UBE2L3: variants seen among roughly 807,000 people sequenced by gnomAD.
UBE2L3 encodes the protein ubiquitin-conjugating enzyme E2 L3.
UBE2L3 carries 1 observed loss-of-function variant against 17.8 expected under a neutral mutation model. The ratio of observed to expected loss-of-function variants is 0.06; its 90% CI spans 0.02 to 0.27. The LOEUF (loss-of-function observed/expected upper bound fraction) is 0.27, where lower values mean the gene tolerates loss of function less well. Ranked by LOEUF, UBE2L3 falls within the 10% of genes least tolerant of loss-of-function variation. The pLI is 1.00. For synonymous variants in UBE2L3, 44 were observed against 68.5 expected (o/e 0.64, Z 1.76); for missense variants, 40 against 192.6 (o/e 0.21, Z 4.69).
At chr22:21,604,480 G>A (rs1212978236) in intron 2 of UBE2L3, among the ~76,000 whole-genome samples, 2 of 152,164 alleles carry the variant, frequency 1.3e-5, no homozygotes, top group Non-Finnish European at 2.9e-5. Context: ...GCCTGGGCAA[G>A]CGTGAGACTC....
At chr22:21,557,201 T>C (rs995883628) in intron 1 of UBE2L3, among the ~76,000 whole-genome samples, 1 of 152,214 alleles carries the variant, frequency 6.6e-6, no homozygotes, top group African/African-American at 2.4e-5. Context: ...TGCATCTCTA[T>C]AAAAAAATTA....
chr22:21,600,650 C>T (rs546136830), intron 2 of UBE2L3, among the ~76,000 whole-genome samples: 2 of 152,170 alleles, frequency 1.3e-5, no homozygotes, highest in Admixed American at 6.5e-5. Flanking sequence ...GAGCCAAGAT[C>T]GCGCCACTGC....
upstream of UBE2L3, chr22:21,567,598 C>T: frequency 6.7e-7 from 1 of 1,500,436 alleles, no homozygotes; most frequent in Non-Finnish European, 8.9e-7. Flanking sequence ...CACGCGCCCC[C>T]CAGCACAGTG....
intron 1 of UBE2L3, among the ~76,000 whole-genome samples, chr22:21,586,157 G>A (rs972747403): frequency 6.6e-6 from 1 of 152,076 alleles, no homozygotes; most frequent in Non-Finnish European, 1.5e-5. Flanking sequence ...TGCCCAGGCT[G>A]GTCTTGAGTT....
intron 3 of UBE2L3, among the ~76,000 whole-genome samples, chr22:21,620,131 A>C (rs1417024670): frequency 6.6e-6 from 1 of 152,012 alleles, no homozygotes; most frequent in Non-Finnish European, 1.5e-5. Flanking sequence ...CCATCTCTAC[A>C]AAAAACTAGG....
intron 2 of UBE2L3, among the ~76,000 whole-genome samples, chr22:21,608,098 C>T (rs776015135): frequency 5.9e-5 from 9 of 152,088 alleles, no homozygotes; most frequent in South Asian, 2.1e-4. Flanking sequence ...TAAATAACAC[C>T]GTGCATCTCT....
chr22:21,574,137 T>C (rs1233582942), intron 1 of UBE2L3, among the ~76,000 whole-genome samples: 3 of 152,178 alleles, frequency 2.0e-5, no homozygotes, highest in African/African-American at 7.2e-5. Flanking sequence ...ATGCCTGTTC[T>C]TGGGGGACAT....
upstream of UBE2L3, among the ~76,000 whole-genome samples, chr22:21,565,476 G>A (rs1222657585): frequency 6.6e-6 from 1 of 151,222 alleles, no homozygotes; most frequent in Non-Finnish European, 1.5e-5. Context: ...AAATGTCCAG[G>A]CCCAGTGACT....
intron 3 of UBE2L3, among the ~76,000 whole-genome samples, chr22:21,614,952 A>G (rs1043791446): frequency 6.6e-5 from 10 of 150,770 alleles, no homozygotes; most frequent in African/African-American, 1.9e-4. Flanking sequence ...TCCGGAGTTC[A>G]AGACCAGCCT....
chr22:21,612,456 G>T (rs1293821067), intron 3 of UBE2L3, among the ~76,000 whole-genome samples: 1 of 151,674 alleles, frequency 6.6e-6, no homozygotes, highest in Non-Finnish European at 1.5e-5. Context: ...CTTCCGAGTA[G>T]CTGGGACTAC....
At position 21,611,051 on chromosome 22, in the gene UBE2L3, A is replaced by G. The variant is rs1274799985; in HGVS notation, c.310+8A>G. 2 of 1,592,402 alleles carry G rather than the reference A, an allele frequency of 1.3e-6. No homozygotes were observed. The highest frequency in any genetic ancestry group is 1.7e-4 in the Middle Eastern group (1 of 5,956). ...CAACCAAAACCGACCAAGGTAAGAC[A>G]TGTGCCTGTGTCTTCCTCGGAGGGG... On this transcript the variant is annotated splice_region_variant and intron_variant, in intron 3 of 3. Coordinates refer to ENST00000342192, the MANE Select transcript of UBE2L3 (RefSeq NM_003347.4).
At chr22:21,612,305 T>G (rs981632767) in intron 3 of UBE2L3, among the ~76,000 whole-genome samples, 25 of 152,164 alleles carry the variant, frequency 1.6e-4, no homozygotes, top group African/African-American at 5.3e-4. Context: ...ACAGTTCTTC[T>G]CAGTGCCTGG....
At chr22:21,591,064 C>T (rs1928238750) in intron 1 of UBE2L3, among the ~76,000 whole-genome samples, 1 of 152,154 alleles carries the variant, frequency 6.6e-6, no homozygotes, top group Admixed American at 6.5e-5. Context: ...GGGAGCATTT[C>T]TTATGAGTCT....
chr22:21,572,449 C>G (rs1927031859), intron 1 of UBE2L3, among the ~76,000 whole-genome samples: 1 of 150,362 alleles, frequency 6.7e-6, no homozygotes, highest in Non-Finnish European at 1.5e-5. Context: ...AAAGAAAACC[C>G]TGAGACAAAA....
At chr22:21,610,165 C>T (rs1162633796) in intron 2 of UBE2L3, among the ~76,000 whole-genome samples, 1 of 152,172 alleles carries the variant, frequency 6.6e-6, no homozygotes, top group African/African-American at 2.4e-5. Flanking sequence ...TGCCTTTTCA[C>T]TGTGTCTTTA....
chr22:21,592,072 C>T (rs374666241), intron 1 of UBE2L3, among the ~76,000 whole-genome samples: 37 of 152,314 alleles, frequency 2.4e-4, no homozygotes, highest in African/African-American at 8.9e-4. Flanking sequence ...ACATCTCAGG[C>T]AGGACCCTGA....
At chr22:21,604,415 C>A (rs777261987) in intron 2 of UBE2L3, among the ~76,000 whole-genome samples, 1 of 152,070 alleles carries the variant, frequency 6.6e-6, no homozygotes, top group Non-Finnish European at 1.5e-5. Context: ...ACAGGACAAT[C>A]GTTTGAACCC....
chr22:21,573,179 CACATGAGCAGGCCCT>C (rs1568971305), intron 1 of UBE2L3, among the ~76,000 whole-genome samples: 1 of 152,130 alleles, frequency 6.6e-6, no homozygotes, highest in African/African-American at 2.4e-5. Flanking sequence ...TAGAGAAGTG[CACATGAGCAGGCCCT>C]GCTCTCAGAG....
intron 1 of UBE2L3, among the ~76,000 whole-genome samples, chr22:21,581,868 T>A (rs1223385365): frequency 3.3e-5 from 5 of 151,568 alleles, no homozygotes; most frequent in Non-Finnish European, 1.5e-5. Flanking sequence ...TCCCACCACT[T>A]TGGGAGGCTG....
Sources: gnomAD v4.1 joint callset for allele counts (sites outside exome capture counted in the v4.1 genomes callset) on GRCh38, gnomAD v4.1.1 for gene constraint, MANE v1.5 for transcripts, NCBI Gene and HGNC (gene_info 2026-07-23, HGNC 2026-07-21) for gene names.